CNGB3: variants seen among roughly 807,000 people sequenced by gnomAD.
The protein encoded by CNGB3 is cyclic nucleotide gated channel subunit beta 3, also known as cyclic nucleotide-gated channel beta-3.
A neutral mutation model predicts 92.8 loss-of-function variants in CNGB3; 86 were observed. The ratio of observed to expected loss-of-function variants is 0.93; its 90% CI spans 0.78 to 1.11. CNGB3 has a LOEUF of 1.11. Among genes scored for constraint, CNGB3 ranks in the 50% least tolerant of loss-of-function variants. The probability of loss-of-function intolerance (pLI) is 0.00; values close to 1 mark genes in which losing one functional copy is unlikely to be tolerated. For synonymous variants in CNGB3, 333 were observed against 332.7 expected (o/e 1.00, Z -0.01); for missense variants, 1,026 against 956.8 (o/e 1.07, Z -0.95).
intron 3 of CNGB3, among the ~76,000 whole-genome samples, chr8:86,720,839 T>TGTACACACACAC (rs71303406): frequency 1.5e-5 from 2 of 129,888 alleles, no homozygotes; most frequent in South Asian, 2.8e-4. Context: ...TATATATGTA[T>TGTACACACACAC]ACACACACAC....
chr8:86,621,089 T>C (rs1247281124), intron 13 of CNGB3, among the ~76,000 whole-genome samples: 3 of 152,274 alleles, frequency 2.0e-5, no homozygotes, highest in African/African-American at 7.2e-5. Context: ...AAAGTACATA[T>C]AGAAAGCAAA....
chr8:86,606,292 A>T (rs1400776008), intron 14 of CNGB3, among the ~76,000 whole-genome samples: 20 of 151,992 alleles, frequency 1.3e-4, no homozygotes, highest in Non-Finnish European at 4.4e-5. Context: ...CTGGGACCAC[A>T]GGCATAAGCC....
intron 2 of CNGB3, 88 bp from the exon 3 acceptor site, chr8:86,726,745 T>A: frequency 6.7e-7 from 1 of 1,485,764 alleles, no homozygotes. Context: ...AAGATGCTGC[T>A]TGTTTTTTAG....
intron 3 of CNGB3, among the ~76,000 whole-genome samples, chr8:86,716,940 A>G (rs1359471687): frequency 6.6e-6 from 1 of 152,208 alleles, no homozygotes; most frequent in Non-Finnish European, 1.5e-5. Flanking sequence ...ATGGATAATA[A>G]TTCACCAACA....
chr8:86,716,742 C>T (rs1563764738), intron 3 of CNGB3, among the ~76,000 whole-genome samples: 1 of 152,118 alleles, frequency 6.6e-6, no homozygotes. Flanking sequence ...GAAATAAAAC[C>T]TCAACATACA....
intron 10 of CNGB3, among the ~76,000 whole-genome samples, chr8:86,640,615 A>G (rs574756028): frequency 6.6e-6 from 1 of 152,142 alleles, no homozygotes; most frequent in South Asian, 2.1e-4. Context: ...AGCTCATCAG[A>G]ACACTCATTT....
intron 13 of CNGB3, among the ~76,000 whole-genome samples, chr8:86,619,473 A>G (rs1280343465): frequency 6.6e-6 from 1 of 152,100 alleles, no homozygotes; most frequent in Non-Finnish European, 1.5e-5. Context: ...TTCATCTCTG[A>G]GCTATTTCAA....
At chr8:86,680,489 T>G (rs555732761) in intron 3 of CNGB3, among the ~76,000 whole-genome samples, 1 of 152,180 alleles carries the variant, frequency 6.6e-6, no homozygotes, top group Non-Finnish European at 1.5e-5. Context: ...TGGTCAACCA[T>G]TGGGGTGATT....
rs1822988408 is a variant in CNGB3, at chr8:86,632,828, T to C, written c.1244A>G (p.Gln415Arg). The C allele has an allele frequency of 6.2e-7, 1 of 1,613,014 alleles. No homozygotes were observed. Among genetic ancestry groups the C allele is most frequent in the African/African-American group, 1.3e-5 (1 of 75,030 alleles). ...LITIGGLPEP[Q>R]TLFEIVFQLL... Reference sequence around the variant, plus strand: ...TTGAAAAACAATTTCAAATAAAGTTTGTGGTTCTGGAAGGCCACCAATGGT... The same window carrying C: ...TTGAAAAACAATTTCAAATAAAGTTCGTGGTTCTGGAAGGCCACCAATGGT... The change falls in exon 11 of 18, where the codon CAA (glutamine) becomes CGA (arginine). Residue 415 changes from glutamine to arginine, a missense_variant. By Grantham distance (43) the Gln-to-Arg change is conservative (BLOSUM62 1). Transcript: ENST00000320005.
intron 15 of CNGB3, among the ~76,000 whole-genome samples, chr8:86,579,550 G>T (rs958401): frequency 0.094 from 14,251 of 152,130 alleles, 738 homozygotes; most frequent in Non-Finnish European, 0.11. Flanking sequence ...CTTTTGGACT[G>T]GGTATCCCTC....
At chr8:86,677,127 A>C (rs1823991932) in intron 3 of CNGB3, among the ~76,000 whole-genome samples, 1 of 152,160 alleles carries the variant, frequency 6.6e-6, no homozygotes, top group South Asian at 2.1e-4. Context: ...TGGGAGAGAG[A>C]GCATGGAAAA....
chr8:86,590,668 C>T (rs1288626372), intron 15 of CNGB3, among the ~76,000 whole-genome samples: 2 of 149,370 alleles, frequency 1.3e-5, no homozygotes, highest in African/African-American at 2.5e-5. Context: ...AATATTGGCC[C>T]CCACTCTCTT....
chr8:86,726,450 G>A, intron 3 of CNGB3, 81 bp downstream of exon 3: 1 of 1,571,876 alleles, frequency 6.4e-7, no homozygotes, highest in East Asian at 2.2e-5. Context: ...TTCAGCTAAA[G>A]GGGAGAGTGG....
chr8:86,622,440 G>C (rs1168502872), intron 13 of CNGB3, among the ~76,000 whole-genome samples: 2 of 150,500 alleles, frequency 1.3e-5, no homozygotes, highest in Non-Finnish European at 3.0e-5. Flanking sequence ...AGATCTTAAG[G>C]GACAGTTGGA....
intron 10 of CNGB3, among the ~76,000 whole-genome samples, chr8:86,640,056 A>G (rs1823151133): frequency 6.6e-6 from 1 of 152,062 alleles, no homozygotes; most frequent in South Asian, 2.1e-4. Flanking sequence ...TTCTGTTTGT[A>G]CCCATGAAAT....
intron 14 of CNGB3, among the ~76,000 whole-genome samples, chr8:86,604,575 C>T (rs1380412415): frequency 6.6e-6 from 1 of 152,156 alleles, no homozygotes; most frequent in Admixed American, 6.6e-5. Flanking sequence ...GAAGAAGTTG[C>T]TTGGTCTAGC....
chr8:86,595,618 T>C (rs1490556274), intron 15 of CNGB3, among the ~76,000 whole-genome samples: 6 of 146,376 alleles, frequency 4.1e-5, no homozygotes, highest in South Asian at 2.1e-4. Context: ...AAGTTTTCTC[T>C]TTCAGTATTA....
chr8:86,667,143 C>T lies in CNGB3; in HGVS notation c.644-10G>A, dbSNP rs766770104. On this transcript the variant is annotated splice_polypyrimidine_tract_variant and intron_variant, in intron 5 of 17. Coordinates refer to ENST00000320005, the MANE Select transcript of CNGB3 (RefSeq NM_019098.5). ...AGGAGATAGAGTCGATCTGGAAAAA[C>T]AGCAAGTGGTGAAATCCAAATGACA... is the stretch of plus-strand genomic sequence containing the variant. 2.5e-6 allele frequency: 4 copies of T among 1,611,616 alleles called. No homozygotes were observed. Among genetic ancestry groups the T allele is most frequent in the Non-Finnish European group, 3.4e-6 (4 of 1,178,096 alleles).
At chr8:86,740,998 T>C (rs909066588) in intron 1 of CNGB3, among the ~76,000 whole-genome samples, 1 of 152,218 alleles carries the variant, frequency 6.6e-6, no homozygotes, top group African/African-American at 2.4e-5. Flanking sequence ...AGTGTCTTCT[T>C]CTGGGGTAAG....
Sources: gnomAD v4.1 joint callset for allele counts (sites outside exome capture counted in the v4.1 genomes callset) on GRCh38, gnomAD v4.1.1 for gene constraint, MANE v1.5 for transcripts, NCBI Gene and HGNC (gene_info 2026-07-23, HGNC 2026-07-21) for gene names.